Variants in FOCAD observed in about 807,000 individuals in gnomAD.
FOCAD encodes focadhesin, also known as KIAA1797.
Under a neutral mutation model 225.6 loss-of-function variants are expected in FOCAD, and 198 were observed. The observed-to-expected ratio is 0.88, with a 90% CI of 0.78 to 0.99. The LOEUF (loss-of-function observed/expected upper bound fraction) is 0.99, where lower values mean the gene tolerates loss of function less well. Ranked by LOEUF, FOCAD falls within the 50% of genes least tolerant of loss-of-function variation. The pLI is 0.00. For missense variants in FOCAD, 2,713 were observed against 2,123.6 expected (o/e 1.28, Z -5.46); for synonymous variants, 897 against 755.0 (o/e 1.19, Z -3.08).
At chr9:20,778,645 C>G (rs1257396375) in intron 8 of FOCAD, 36 bp from the exon 9 acceptor site, 9 of 1,224,700 alleles carry the variant, frequency 7.3e-6, no homozygotes, top group African/African-American at 5.9e-5. Flanking sequence ...CTGGGAACTT[C>G]TTTAACAACT....
intron 35 of FOCAD, among the ~76,000 whole-genome samples, chr9:20,954,842 AC>A (rs1225824869): frequency 2.0e-5 from 3 of 152,148 alleles, no homozygotes; most frequent in Non-Finnish European, 2.9e-5. Context: ...ACTAATGATG[AC>A]CCCAGAGGAG....
At chr9:20,956,803 A>G (rs1424659888) in intron 35 of FOCAD, among the ~76,000 whole-genome samples, 1 of 152,032 alleles carries the variant, frequency 6.6e-6, no homozygotes, top group Non-Finnish European at 1.5e-5. Context: ...TCATTTCTGG[A>G]TATTACTTAA....
chr9:20,694,171 A>AT (rs1366038886), intron 1 of FOCAD, among the ~76,000 whole-genome samples: 3 of 152,170 alleles, frequency 2.0e-5, no homozygotes, highest in Admixed American at 6.5e-5. Flanking sequence ...AAATCATAAC[A>AT]TTTTTTGTAC....
chr9:20,819,785 A>T lies in FOCAD; in HGVS notation c.1456-11A>T, dbSNP rs1824120750. 1 of 1,472,544 alleles carries T rather than the reference A, an allele frequency of 6.8e-7. No individual in the cohort carries two copies. Among genetic ancestry groups the T allele is most frequent in the Non-Finnish European group, 9.1e-7 (1 of 1,101,828 alleles). 91.2% of individuals were successfully genotyped at this position (1,472,544 alleles called of 1,614,324 possible). On this transcript the variant is annotated splice_polypyrimidine_tract_variant and intron_variant, in intron 11 of 43. Transcript: ENST00000338382. ...AAGGCATATTTAATATATTTTAAAA[A>T]TTCATTTTAGGTGCCAAATCTGATT... is the stretch of plus-strand genomic sequence containing the variant.
At chr9:20,734,647 CT>C (rs368223907) in intron 4 of FOCAD, among the ~76,000 whole-genome samples, 3,276 of 149,298 alleles carry the variant, frequency 0.022, 110 homozygotes, top group African/African-American at 0.076. Flanking sequence ...ATAATATTGT[CT>C]TTTTTTTTTC....
At chr9:20,845,442 G>GATATATAT (rs3086547) in intron 15 of FOCAD, among the ~76,000 whole-genome samples, 1,649 of 121,236 alleles carry the variant, frequency 0.014, 49 homozygotes, top group African/African-American at 0.036. Flanking sequence ...TCTTTTCCTC[G>GATATATAT]ATATATATAT....
intron 2 of FOCAD, among the ~76,000 whole-genome samples, chr9:20,659,798 G>T (rs1821655173): frequency 6.6e-6 from 1 of 152,256 alleles, no homozygotes; most frequent in Non-Finnish European, 1.5e-5. Context: ...AAAGCAGTGA[G>T]ATGCAGGTGG....
intron 15 of FOCAD, among the ~76,000 whole-genome samples, chr9:20,856,888 A>T (rs1476620274): frequency 6.6e-6 from 1 of 152,080 alleles, no homozygotes; most frequent in Non-Finnish European, 1.5e-5. Flanking sequence ...GTCAAAAATG[A>T]GTTCACTGCA....
intron 2 of FOCAD, among the ~76,000 whole-genome samples, chr9:20,668,879 G>A (rs987159445): frequency 5.3e-5 from 8 of 151,464 alleles, no homozygotes; most frequent in African/African-American, 1.9e-4. Flanking sequence ...AAACTTTATT[G>A]CCCATCCTGT....
In FOCAD at chr9:20,720,447, G is replaced by T. The variant is rs1207788018; in HGVS notation, c.200G>T (p.Cys67Phe). 2 of 1,614,160 alleles carry T rather than the reference G, an allele frequency of 1.2e-6. No individual in the cohort carries two copies. Among genetic ancestry groups the T allele is most frequent in the South Asian group, 1.1e-5 (1 of 91,086 alleles). ...AATGTAGTGGTTCGAACAGCCTGCT[G>T]TGAAGGTCTGGTGGCACTCGTTGCT... ...SDNVVVRTAC[C>F]EGLVALVAQD... Residue 67 changes from cysteine to phenylalanine, a missense_variant, in exon 4 of 44, where the codon TGT becomes TTT. Cys to Phe is a radical substitution (Grantham distance 205). Transcript: ENST00000338382.
intron 4 of FOCAD, among the ~76,000 whole-genome samples, chr9:20,732,131 G>T (rs949476592): frequency 1.3e-5 from 2 of 152,028 alleles, no homozygotes; most frequent in Non-Finnish European, 2.9e-5. Flanking sequence ...TTGTATTTCT[G>T]TGCTAGGTGC....
chr9:20,707,419 T>C (rs1239701418), intron 1 of FOCAD, among the ~76,000 whole-genome samples: 1 of 152,198 alleles, frequency 6.6e-6, no homozygotes, highest in Non-Finnish European at 1.5e-5. Flanking sequence ...CTTGAACAAT[T>C]TGGGGTCTTG....
In FOCAD at chr9:20,993,239, C is replaced by T. The variant is rs1278538555; in HGVS notation, c.5257-14C>T. On this transcript the variant is annotated splice_polypyrimidine_tract_variant and intron_variant, in intron 42 of 43. Coordinates refer to ENST00000338382, the MANE Select transcript of FOCAD (RefSeq NM_001375567.1). ...GATTCTCTTCTTTGACACTATTTTT[C>T]ATTTTTACCCTAGTTCATTGACTGG... 6.2e-7 allele frequency: 1 copy of T among 1,608,862 alleles called. No individual in the cohort carries two copies. Among genetic ancestry groups the T allele is most frequent in the Non-Finnish European group, 8.5e-7 (1 of 1,175,578 alleles).
chr9:20,868,869 C>T (rs769080561), intron 18 of FOCAD, among the ~76,000 whole-genome samples: 1 of 152,210 alleles, frequency 6.6e-6, no homozygotes, highest in South Asian at 2.1e-4. Flanking sequence ...TACTGAGGAC[C>T]TATCTCTTTA....
chr9:20,664,476 G>A (rs1457659383), intron 2 of FOCAD, among the ~76,000 whole-genome samples: 58 of 151,710 alleles, frequency 3.8e-4, no homozygotes, highest in Non-Finnish European at 7.4e-5. Context: ...AACAAGTAGG[G>A]CTTCATCAGT....
intron 6 of FOCAD, among the ~76,000 whole-genome samples, chr9:20,764,643 T>C (rs888707108): frequency 6.6e-6 from 1 of 152,244 alleles, no homozygotes; most frequent in Non-Finnish European, 1.5e-5. Flanking sequence ...ATCCTGGGCA[T>C]CTAGCTTACA....
At chr9:20,770,342 A>T (rs1818082310) in intron 8 of FOCAD, 104 bp downstream of exon 8, 4 of 1,042,214 alleles carry the variant, frequency 3.8e-6, no homozygotes, top group Middle Eastern at 2.9e-4. Flanking sequence ...ACAGTCTGGC[A>T]GGCTGTACAG....
intron 33 of FOCAD, 75 bp from the exon 34 acceptor site, chr9:20,950,921 T>C: frequency 7.6e-7 from 1 of 1,319,234 alleles, no homozygotes. Context: ...GACTGGTGAC[T>C]TTCTGTGAGT....
Position 20,949,597 on chromosome 9 carries a change from C to T in FOCAD, c.3877-7C>T, listed in dbSNP as rs751589295. 6.2e-6 allele frequency: 10 copies of T among 1,612,068 alleles called. No individual in the cohort carries two copies. In the South Asian group the frequency reaches 1.1e-4, roughly 18 times the overall value. On this transcript the variant is annotated splice_region_variant and splice_polypyrimidine_tract_variant and intron_variant, in intron 32 of 43. Coordinates refer to ENST00000338382, the MANE Select transcript of FOCAD (RefSeq NM_001375567.1). Reference sequence around the variant, plus strand: ...GGTGGGATGGGTATTTCTTCTTATTCTTTCAGCTGAAATCAGAAGCCATCC... The same window carrying T: ...GGTGGGATGGGTATTTCTTCTTATTTTTTCAGCTGAAATCAGAAGCCATCC...
Sources: allele counts gnomAD v4.1 joint callset (sites outside exome capture counted in the v4.1 genomes callset), GRCh38; gene constraint gnomAD v4.1.1; transcripts MANE v1.5; gene names NCBI Gene and HGNC (gene_info 2026-07-23, HGNC 2026-07-21).